The following VRTN variants were observed in gnomAD, a reference collection of about 807,000 sequenced individuals.
VRTN encodes vertnin.
A neutral mutation model predicts 18.2 loss-of-function variants in VRTN; 5 were observed. The ratio of observed to expected loss-of-function variants is 0.27; its 90% CI spans 0.14 to 0.58. The LOEUF is 0.58. Among genes scored for constraint, VRTN ranks in the 20% least tolerant of loss-of-function variants. VRTN has a pLI of 0.91. For synonymous variants in VRTN, 381 were observed against 393.7 expected, an observed-to-expected ratio of 0.97 and a Z score of 0.38; for missense variants, 741 against 939.4, an observed-to-expected ratio of 0.79 and a Z score of 2.76.
chr14:74,316,637 CTTTT>C (rs370697776), intron 1 of VRTN, among the ~76,000 whole-genome samples: 4 of 131,188 alleles, frequency 3.0e-5, no homozygotes, highest in Non-Finnish European at 3.2e-5. Context: ...AGGGATTATT[CTTTT>C]TTTTTTTTTT....
chr14:74,350,900 T>C (rs2085678838), intron 1 of VRTN, among the ~76,000 whole-genome samples: 1 of 152,238 alleles, frequency 6.6e-6, no homozygotes, highest in Admixed American at 6.5e-5. Flanking sequence ...CATCATGCTC[T>C]CCTCAGGAAA....
chr14:74,343,087 G>C (rs954796968), intron 2 of VRTN, among the ~76,000 whole-genome samples: 1 of 151,986 alleles, frequency 6.6e-6, no homozygotes, highest in African/African-American at 2.4e-5. Flanking sequence ...TGGCAGGGTG[G>C]AGAAATTGTA....
chr14:74,357,752 C>T lies in VRTN; in HGVS notation c.969C>T (p.Ser323=). Residue 323 remains serine (S), a synonymous_variant, in exon 2 of 2, where the codon AGC becomes AGT. Coordinates refer to ENST00000256362, the MANE Select transcript of VRTN (RefSeq NM_018228.3). This position sits in a 1 kb window ranked among gnomAD's most constrained non-coding sequence, Gnocchi z 7.8. ...RFSAKHFLQD[S]FHRGGVVPLQ... The stretch of plus-strand genomic sequence containing the variant: ...CCGCCAAGCACTTCCTGCAGGACAG[C>T]TTCCACCGGGGGGGCGTCGTGCCAC... The T allele has an allele frequency of 1.2e-6, 2 of 1,613,328 alleles. No individual in the cohort carries two copies. Among genetic ancestry groups the T allele is most frequent in the Non-Finnish European group, 1.7e-6 (2 of 1,180,038 alleles).
At chr14:74,352,673 A>G (rs1377566767) in intron 1 of VRTN, among the ~76,000 whole-genome samples, 1 of 152,092 alleles carries the variant, frequency 6.6e-6, no homozygotes, top group Non-Finnish European at 1.5e-5. Flanking sequence ...TCAGCCTCCC[A>G]AAGTGCTGGG....
chr14:74,345,883 C>A, upstream of VRTN, among the ~76,000 whole-genome samples: 1 of 146,890 alleles, frequency 6.8e-6, no homozygotes. Flanking sequence ...GAGATTGTGC[C>A]ACTGCACTCC....
upstream of VRTN, among the ~76,000 whole-genome samples, chr14:74,347,991 G>A (rs1035994873): frequency 6.6e-6 from 1 of 152,192 alleles, no homozygotes; most frequent in Non-Finnish European, 1.5e-5. Flanking sequence ...GCCGTGAGTA[G>A]CTCTCCAGTC....
chr14:74,310,453 A>G (rs1470725236), intron 1 of VRTN, among the ~76,000 whole-genome samples: 1 of 150,008 alleles, frequency 6.7e-6, no homozygotes, highest in Non-Finnish European at 1.5e-5. Flanking sequence ...CAGAACATGG[A>G]CCTCAGAGCC....
intron 1 of VRTN, among the ~76,000 whole-genome samples, chr14:74,309,252 T>C (rs1048231612): frequency 6.6e-6 from 1 of 152,196 alleles, no homozygotes; most frequent in African/African-American, 2.4e-5. Flanking sequence ...ACTTCATTCA[T>C]GCCTCTCTCG....
chr14:74,344,376 C>T (rs1022439567), upstream of VRTN, among the ~76,000 whole-genome samples: 5 of 137,390 alleles, frequency 3.6e-5, no homozygotes, highest in African/African-American at 1.4e-4. Context: ...TGCCAGTGTA[C>T]TCCAGCCTGG....
At chr14:74,341,700 G>C (rs2085606514) in intron 2 of VRTN, among the ~76,000 whole-genome samples, 1 of 152,054 alleles carries the variant, frequency 6.6e-6, no homozygotes, top group Non-Finnish European at 1.5e-5. Context: ...TGTATTTTTA[G>C]TAGAGATGGG....
chr14:74,319,298 T>C (rs1344716267), intron 1 of VRTN, among the ~76,000 whole-genome samples: 7 of 152,202 alleles, frequency 4.6e-5, no homozygotes, highest in Admixed American at 4.6e-4. Context: ...CCTCCCAAAG[T>C]GCTGGGATTA....
upstream of VRTN, among the ~76,000 whole-genome samples, chr14:74,344,596 G>T (rs1220377026): frequency 6.6e-6 from 1 of 151,096 alleles, no homozygotes; most frequent in South Asian, 2.1e-4. Context: ...TAGCAGGGGC[G>T]TGGTGGTGGG....
chr14:74,312,778 G>A (rs2085396659), intron 1 of VRTN, among the ~76,000 whole-genome samples: 1 of 123,276 alleles, frequency 8.1e-6, no homozygotes, highest in African/African-American at 3.3e-5. Context: ...TTTTGAGGCA[G>A]AGTCTCGCTC....
chr14:74,314,255 C>A (rs2085405806), intron 1 of VRTN, among the ~76,000 whole-genome samples: 1 of 151,998 alleles, frequency 6.6e-6, no homozygotes, highest in African/African-American at 2.4e-5. Flanking sequence ...CCTCAGCCTT[C>A]CCAGTAGCTG....
chr14:74,317,838 A>G (rs941371341), intron 1 of VRTN, among the ~76,000 whole-genome samples: 5 of 150,080 alleles, frequency 3.3e-5, no homozygotes, highest in African/African-American at 1.2e-4. Flanking sequence ...ACAAAATCTC[A>G]ATGGTGGCTG....
chr14:74,349,850 G>T (rs1031961558), intron 1 of VRTN, among the ~76,000 whole-genome samples: 1 of 152,174 alleles, frequency 6.6e-6, no homozygotes, highest in African/African-American at 2.4e-5. Context: ...TAAGATCCTG[G>T]CTGGATGCCT....
chr14:74,354,917 AG>A (rs1488363307), intron 1 of VRTN, among the ~76,000 whole-genome samples: 1 of 151,880 alleles, frequency 6.6e-6, no homozygotes, highest in Non-Finnish European at 1.5e-5. Context: ...TGAGGCGGGC[AG>A]ATCATTTGAG....
At chr14:74,331,832 G>A (rs2085527573) in intron 1 of VRTN, among the ~76,000 whole-genome samples, 1 of 151,790 alleles carries the variant, frequency 6.6e-6, no homozygotes, top group Admixed American at 6.6e-5. Flanking sequence ...TTAGAAGCTA[G>A]AAGTAAAAGC....
chr14:74,351,267 G>C (rs1026738117), intron 1 of VRTN, among the ~76,000 whole-genome samples: 1 of 152,080 alleles, frequency 6.6e-6, no homozygotes, highest in Non-Finnish European at 1.5e-5. Flanking sequence ...CTTTACTAAG[G>C]ACTGATATGG....
Sources: gnomAD v4.1 joint callset for allele counts (sites outside exome capture counted in the v4.1 genomes callset) on GRCh38, gnomAD v4.1.1 for gene constraint, Gnocchi (gnomAD v3.1) non-coding constraint, MANE v1.5 for transcripts, NCBI Gene and HGNC (gene_info 2026-07-23, HGNC 2026-07-21) for gene names.